The following TPO variants were observed in gnomAD, a reference collection of about 807,000 sequenced individuals.
TPO encodes thyroid microsomal antigen.
TPO carries 78 observed loss-of-function variants against 96.9 expected under a neutral mutation model. The observed-to-expected ratio is 0.81, with a 90% CI of 0.67 to 0.97. The LOEUF is 0.97. Ranked by LOEUF, TPO falls within the 50% of genes least tolerant of loss-of-function variation. The pLI, the probability that TPO is intolerant of heterozygous loss-of-function variation, is 0.00. For missense variants in TPO, 1,252 were observed against 1,274.8 expected (o/e 0.98, Z 0.27); for synonymous variants, 547 against 538.0 (o/e 1.02, Z -0.23).
chr2:1,541,286 C>T (rs1267328707), intron 16 of TPO: 1 of 849,826 alleles, frequency 1.2e-6, no homozygotes, highest in South Asian at 3.9e-5. Flanking sequence ...GAGGAGGGCG[C>T]CTCAGGTCTG....
chr2:1,375,589 G>A (rs772954092), intron 1 of TPO, among the ~76,000 whole-genome samples: 3 of 152,064 alleles, frequency 2.0e-5, no homozygotes, highest in Non-Finnish European at 4.4e-5. Flanking sequence ...TTTTACACAC[G>A]ATAAGGTAAG....
intron 1 of TPO, among the ~76,000 whole-genome samples, chr2:1,379,432 A>C (rs1661774012): frequency 6.6e-6 from 1 of 152,152 alleles, no homozygotes. Context: ...CAATCCCTAA[A>C]CAGGCGGTAG....
At chr2:1,408,989 T>G (rs1478565891), upstream of TPO, among the ~76,000 whole-genome samples, 1 of 152,186 alleles carries the variant, frequency 6.6e-6, no homozygotes, top group Non-Finnish European at 1.5e-5. Flanking sequence ...CATGGGTCCC[T>G]GGTCAGGAGG....
At chr2:1,539,887 C>T (rs1680522201) in intron 15 of TPO, among the ~76,000 whole-genome samples, 1 of 143,428 alleles carries the variant, frequency 7.0e-6, no homozygotes, top group African/African-American at 2.6e-5. Flanking sequence ...GGGGCGGGGG[C>T]AGGTAAAAAC....
At chr2:1,458,092 C>T (rs571958980) in intron 7 of TPO, among the ~76,000 whole-genome samples, 6 of 146,810 alleles carry the variant, frequency 4.1e-5, no homozygotes, top group Admixed American at 6.8e-5. Flanking sequence ...ATTGTGGGCA[C>T]GTGCGTTTAT....
At chr2:1,532,824 C>A in intron 15 of TPO, among the ~76,000 whole-genome samples, 1 of 68,156 alleles carries the variant, frequency 1.5e-5, no homozygotes, top group South Asian at 5.2e-4. Flanking sequence ...CAAATCCCCC[C>A]ACTCTGCACA....
intron 14 of TPO, among the ~76,000 whole-genome samples, chr2:1,509,343 C>T (rs1673825847): frequency 1.3e-5 from 2 of 152,034 alleles, no homozygotes; most frequent in Admixed American, 1.3e-4. Context: ...TCAGGGACAC[C>T]ACACCCTCTT....
In TPO at chr2:1,442,537, C is replaced by A. The variant is rs149684748; in HGVS notation, c.482+6153C>A. Among the ~76,000 whole-genome samples, 9 of 152,268 alleles carry A rather than the reference C, an allele frequency of 5.9e-5. No individual in the cohort carries two copies. The Middle Eastern group carries it at 0.01, about 173-fold the overall frequency. The stretch of plus-strand genomic sequence containing the variant: ...TAAATATGATGAATTCACCTAGATA[C>A]TTCATATAGAATTTGCCTTCAGTTT... On this transcript the variant is annotated intron_variant, in intron 5 of 16. Coordinates refer to ENST00000329066, the MANE Select transcript of TPO (RefSeq NM_001206744.2).
chr2:1,408,369 A>G (rs542798857), intron 1 of TPO, among the ~76,000 whole-genome samples: 1 of 152,296 alleles, frequency 6.6e-6, no homozygotes, highest in South Asian at 2.1e-4. Flanking sequence ...TGCACTTCCC[A>G]GTTAATTGCA....
chr2:1,476,618 A>G (rs1168249737), intron 7 of TPO, among the ~76,000 whole-genome samples: 1 of 152,248 alleles, frequency 6.6e-6, no homozygotes, highest in African/African-American at 2.4e-5. Flanking sequence ...AAAATAAACC[A>G]GACCGGGGAT....
chr2:1,538,047 A>ACCTCCTCAAATCCCCCACACTGTGTGCAG (rs1449922025), intron 15 of TPO, among the ~76,000 whole-genome samples: 3 of 86,670 alleles, frequency 3.5e-5, no homozygotes, highest in African/African-American at 2.1e-4. Context: ...ACTGTGTGCA[A>ACCTCCTCAAATCCCCCACACTGTGTGCAG]CCTCCTCAAA....
At chr2:1,444,409 C>T (rs1468114866) in intron 5 of TPO, among the ~76,000 whole-genome samples, 5 of 148,888 alleles carry the variant, frequency 3.4e-5, no homozygotes, top group Non-Finnish European at 7.4e-5. Flanking sequence ...GTCATTGCTG[C>T]AGGAGGTACC....
intron 13 of TPO, among the ~76,000 whole-genome samples, chr2:1,498,484 T>C (rs900210941): frequency 1.3e-5 from 2 of 152,218 alleles, no homozygotes. Flanking sequence ...GCCTGCTACA[T>C]AGGTGAGGGG....
intron 14 of TPO, among the ~76,000 whole-genome samples, chr2:1,512,047 T>G (rs1674189716): frequency 6.6e-6 from 1 of 152,304 alleles, no homozygotes; most frequent in South Asian, 2.1e-4. Context: ...ATCTTTTTTT[T>G]TTTTGAGACG....
At chr2:1,463,157 C>G (rs1339159474) in intron 7 of TPO, among the ~76,000 whole-genome samples, 2 of 152,140 alleles carry the variant, frequency 1.3e-5, no homozygotes, top group African/African-American at 2.4e-5. Flanking sequence ...GGGTGGGTCT[C>G]CAGGGCACTT....
chr2:1,435,380 T>TTTG (rs1665466625), intron 4 of TPO, among the ~76,000 whole-genome samples: 1 of 152,248 alleles, frequency 6.6e-6, no homozygotes, highest in Admixed American at 6.5e-5. Flanking sequence ...TTTACTTAAC[T>TTTG]GTTCCCATAG....
intron 1 of TPO, among the ~76,000 whole-genome samples, chr2:1,406,250 A>G (rs1304529632): frequency 3.3e-5 from 5 of 152,260 alleles, no homozygotes; most frequent in Non-Finnish European, 7.3e-5. Context: ...AAGGGAAGCC[A>G]TGCATTCTAA....
In TPO at chr2:1,477,280, G is replaced by A; in HGVS notation, c.1014G>A (p.Arg338=). The A allele has an allele frequency of 6.3e-7, 1 of 1,598,178 alleles. No individual in the cohort carries two copies. The highest frequency in any genetic ancestry group is 1.1e-5 in the South Asian group (1 of 88,194). ...TVYGSSPALE[R]QLRNWTSAEG... is the part of the protein sequence containing the mutation. Reference sequence around the variant, plus strand: ...ATGGCAGCTCCCCGGCCCTAGAGAGGCAGCTGCGGAACTGGACCAGTGCCG... The same window carrying A: ...ATGGCAGCTCCCCGGCCCTAGAGAGACAGCTGCGGAACTGGACCAGTGCCG... The change falls in exon 8 of 17, where the codon AGG becomes AGA. Residue 338 remains arginine (R), a synonymous_variant. Transcript: ENST00000329066.
chr2:1,507,270 T>G (rs2125023435), intron 14 of TPO, among the ~76,000 whole-genome samples: 1 of 152,314 alleles, frequency 6.6e-6, no homozygotes, highest in African/African-American at 2.4e-5. Flanking sequence ...AGTACCATGC[T>G]GTTTTGGTTA....
Sources: allele counts gnomAD v4.1 joint callset (sites outside exome capture counted in the v4.1 genomes callset), GRCh38; gene constraint gnomAD v4.1.1; transcripts MANE v1.5; gene names NCBI Gene and HGNC (gene_info 2026-07-23, HGNC 2026-07-21).